Variants in NTF3 observed in about 807,000 individuals in gnomAD.
NTF3 encodes neurotrophin-3.
In NTF3, 8 loss-of-function variants were observed where a neutral mutation model predicts 26.3. The ratio of observed to expected loss-of-function variants is 0.30; its 90% CI spans 0.18 to 0.55. The LOEUF (loss-of-function observed/expected upper bound fraction) is 0.55. Among genes scored for constraint, NTF3 ranks in the 20% least tolerant of loss-of-function variants. The probability of loss-of-function intolerance (pLI) is 0.93; values close to 1 mark genes in which losing one functional copy is unlikely to be tolerated. For missense variants in NTF3, 276 were observed against 352.9 expected (o/e 0.78, Z 1.75); for synonymous variants, 154 against 145.5 (o/e 1.06, Z -0.42).
At chr12:5,471,674 T>G (rs1940668343) in intron 1 of NTF3, among the ~76,000 whole-genome samples, 1 of 151,736 alleles carries the variant, frequency 6.6e-6, no homozygotes. Flanking sequence ...ATGAGGATGT[T>G]TGTATAGAGG....
At chr12:5,463,823 A>G (rs541685551) in intron 1 of NTF3, among the ~76,000 whole-genome samples, 2 of 152,286 alleles carry the variant, frequency 1.3e-5, no homozygotes, top group South Asian at 2.1e-4. Flanking sequence ...TTGCTGTGTG[A>G]CCTTAGATAA....
chr12:5,465,701 T>C (rs1437925679), intron 1 of NTF3, among the ~76,000 whole-genome samples: 1 of 152,226 alleles, frequency 6.6e-6, no homozygotes, highest in Non-Finnish European at 1.5e-5. Flanking sequence ...GCTTCTCTGA[T>C]TTCCAGGCCC....
intron 1 of NTF3, among the ~76,000 whole-genome samples, chr12:5,469,232 G>T (rs1285321994): frequency 6.6e-6 from 1 of 152,174 alleles, no homozygotes; most frequent in Non-Finnish European, 1.5e-5. Flanking sequence ...AGAGAAAAGG[G>T]TTTTTGTGAA....
At position 5,456,982 on chromosome 12, in the gene NTF3, G is replaced by A. The variant is rs1045890608; in HGVS notation, c.18+24640G>A. The stretch of plus-strand genomic sequence containing the variant: ...TCCCATCTCCACTGCCCGTCCCCAG[G>A]TCCACAGGCTCACAGAGCAGACACG... On this transcript the variant is annotated intron_variant, in intron 1 of 1. Coordinates refer to ENST00000423158, the MANE Select transcript of NTF3 (RefSeq NM_001102654.2). This position sits in a 1 kb window ranked among gnomAD's most constrained non-coding sequence, Gnocchi z 4.4. 1.3e-5 allele frequency among the ~76,000 whole-genome samples: 2 copies of A among 152,166 alleles called. No individual in the cohort carries two copies. The highest frequency in any genetic ancestry group is 2.9e-5 in the Non-Finnish European group (2 of 68,032).
intron 1 of NTF3, among the ~76,000 whole-genome samples, chr12:5,449,911 G>C (rs1337582463): frequency 6.6e-6 from 1 of 152,196 alleles, no homozygotes. Flanking sequence ...CCAGGAGGCA[G>C]GAATCCAAGG....
intron 1 of NTF3, among the ~76,000 whole-genome samples, chr12:5,467,035 G>T (rs1940598496): frequency 1.3e-5 from 2 of 152,000 alleles, no homozygotes; most frequent in Admixed American, 1.3e-4. Flanking sequence ...TTCAAGACCA[G>T]CCTGGCCAAG....
At chr12:5,475,080 G>C (rs1407517797) in intron 1 of NTF3, among the ~76,000 whole-genome samples, 1 of 151,946 alleles carries the variant, frequency 6.6e-6, no homozygotes, top group Non-Finnish European at 1.5e-5. Context: ...ACGGAGGTCT[G>C]TGCCTGGAGA....
At chr12:5,459,509 C>CT (rs1261293963) in intron 1 of NTF3, among the ~76,000 whole-genome samples, 10 of 152,230 alleles carry the variant, frequency 6.6e-5, no homozygotes, top group Admixed American at 2.6e-4. Context: ...GTCTTATAAG[C>CT]AGATTTCATC....
At chr12:5,463,580 G>C (rs1279401602) in intron 1 of NTF3, among the ~76,000 whole-genome samples, 1 of 152,178 alleles carries the variant, frequency 6.6e-6, no homozygotes, top group African/African-American at 2.4e-5. Flanking sequence ...CCACAAGAAT[G>C]AGGATATGGA....
In NTF3 at chr12:5,456,077, G is replaced by A. The variant is rs754280390; in HGVS notation, c.18+23735G>A. Among the ~76,000 whole-genome samples the A allele has an allele frequency of 5.3e-5, 8 of 152,156 alleles. No homozygotes were observed. Among genetic ancestry groups the A allele is most frequent in the Admixed American group, 2.6e-4 (4 of 15,284 alleles). On this transcript the variant is annotated intron_variant, in intron 1 of 1. Transcript: ENST00000423158. The surrounding 1 kb of genome is among the most constrained non-coding windows in gnomAD (Gnocchi z 4.4). ...GTGACTTCTTCCTCCAAGCATGTCCGGACCTCCAGTCAATGGTGGGCTGTC... is the reference window on the plus strand; with the variant it reads ...GTGACTTCTTCCTCCAAGCATGTCCAGACCTCCAGTCAATGGTGGGCTGTC...
Position 5,456,627 on chromosome 12 carries a change from C to T in NTF3, c.18+24285C>T, listed in dbSNP as rs1940454277. On this transcript the variant is annotated intron_variant, in intron 1 of 1. Coordinates refer to ENST00000423158, the MANE Select transcript of NTF3 (RefSeq NM_001102654.2). This position sits in a 1 kb window ranked among gnomAD's most constrained non-coding sequence, Gnocchi z 4.4. ...CTTCCACCCCCACCCCCACCCCCAG[C>T]CCCTGGAGCAGGTACTCGGGGTCAG... 6.6e-6 allele frequency among the ~76,000 whole-genome samples: 1 copy of T among 152,134 alleles called. No individual in the cohort carries two copies. Among genetic ancestry groups the T allele is most frequent in the Non-Finnish European group, 1.5e-5 (1 of 68,018 alleles).
chr12:5,464,877 G>A (rs1940570350), intron 1 of NTF3, among the ~76,000 whole-genome samples: 1 of 152,182 alleles, frequency 6.6e-6, no homozygotes, highest in South Asian at 2.1e-4. Flanking sequence ...GCCGGACTAT[G>A]TTAAGATCTT....
At chr12:5,451,705 T>G (rs901407330) in intron 1 of NTF3, among the ~76,000 whole-genome samples, 1 of 152,214 alleles carries the variant, frequency 6.6e-6, no homozygotes. Context: ...TAATGTAATT[T>G]TTAGAGACAA....
At chr12:5,468,750 G>A (rs556777117) in intron 1 of NTF3, among the ~76,000 whole-genome samples, 235 of 152,294 alleles carry the variant, frequency 1.5e-3, no homozygotes, top group African/African-American at 5.4e-3. Flanking sequence ...CACTCTGCTG[G>A]GGGATAGGGA....
chr12:5,433,554 G>A lies in NTF3; in HGVS notation c.18+1212G>A, dbSNP rs1462494775. Among the ~76,000 whole-genome samples the A allele has an allele frequency of 6.6e-6, 1 of 152,132 alleles. No homozygotes were observed. Among genetic ancestry groups the A allele is most frequent in the African/African-American group, 2.4e-5 (1 of 41,424 alleles). The stretch of plus-strand genomic sequence containing the variant: ...AGGCGCTGCTTCTTTGCGGGAGTTT[G>A]GCTGCTGCGTTCATTCGTCGTCTGC... On this transcript the variant is annotated intron_variant, in intron 1 of 1. Transcript: ENST00000423158. This position sits in a 1 kb window ranked among gnomAD's most constrained non-coding sequence, Gnocchi z 4.6.
In NTF3 at chr12:5,433,900, C is replaced by G. The variant is rs1940133690; in HGVS notation, c.18+1558C>G. 1.3e-5 allele frequency among the ~76,000 whole-genome samples: 2 copies of G among 152,076 alleles called. No homozygotes were observed. The highest frequency in any genetic ancestry group is 4.8e-5 in the African/African-American group (2 of 41,410). On this transcript the variant is annotated intron_variant, in intron 1 of 1. Coordinates refer to ENST00000423158, the MANE Select transcript of NTF3 (RefSeq NM_001102654.2). This position sits in a 1 kb window ranked among gnomAD's most constrained non-coding sequence, Gnocchi z 4.6. ...GAAGGGGTGGGTGTTTCTCCTGGAG[C>G]CTGATGTTTGTAACTCAGCTGATTA...
At chr12:5,446,505 A>G (rs1484916535) in intron 1 of NTF3, among the ~76,000 whole-genome samples, 1 of 152,160 alleles carries the variant, frequency 6.6e-6, no homozygotes, top group South Asian at 2.1e-4. Flanking sequence ...CAACCTGAGG[A>G]CATGCTTTAA....
intron 1 of NTF3, 48 bp downstream of exon 1, chr12:5,432,390 G>A (rs995639683): frequency 6.2e-7 from 1 of 1,601,126 alleles, no homozygotes; most frequent in Admixed American, 1.7e-5. Flanking sequence ...TGGGGATGGG[G>A]GTCCACGTGG....
intron 1 of NTF3, among the ~76,000 whole-genome samples, chr12:5,470,544 C>T (rs976450651): frequency 3.3e-5 from 5 of 152,224 alleles, no homozygotes; most frequent in African/African-American, 7.2e-5. Flanking sequence ...GTGAGCCATC[C>T]GTGTAGTTCC....
Sources: allele counts gnomAD v4.1 joint callset (sites outside exome capture counted in the v4.1 genomes callset), GRCh38; gene constraint gnomAD v4.1.1; non-coding constraint Gnocchi (gnomAD v3.1); transcripts MANE v1.5; gene names NCBI Gene and HGNC (gene_info 2026-07-23, HGNC 2026-07-21).